SPTB: variants seen among roughly 807,000 people sequenced by gnomAD.
SPTB encodes the protein spectrin beta chain, erythrocytic.
SPTB carries 45 observed loss-of-function variants against 256.2 expected under a neutral mutation model. The ratio of observed to expected loss-of-function variants is 0.18; its 90% CI spans 0.14 to 0.23. The LOEUF is 0.23. Among genes scored for constraint, SPTB ranks in the 10% least tolerant of loss-of-function variants. The pLI is 1.00. For synonymous variants in SPTB, 1,231 were observed against 1,243.1 expected (o/e 0.99, Z 0.21); for missense variants, 2,715 against 3,040.4 (o/e 0.89, Z 2.52).
rs1008314479 is a variant in SPTB at position 64,795,075 on chromosome 14, T to C, written c.1644+262A>G. On this transcript the variant is annotated intron_variant, in intron 12 of 35. Transcript: ENST00000644917. This position sits in a 1 kb window ranked among gnomAD's most constrained non-coding sequence, Gnocchi z 6.5. ...GTCTGTCTCTTCAAGGCCCTGAAGG[T>C]TGGCACCGGTGCTGCCACAAACCCA... is the stretch of plus-strand genomic sequence containing the variant. Among the ~76,000 whole-genome samples the C allele has an allele frequency of 1.3e-5, 2 of 152,184 alleles. No homozygotes were observed. The highest frequency in any genetic ancestry group is 3.2e-3 in the Middle Eastern group (1 of 316).
In SPTB at chr14:64,802,381, G is replaced by T; in HGVS notation, c.475-64C>A. The T allele has an allele frequency of 6.7e-7, 1 of 1,484,366 alleles. No individual in the cohort carries two copies. The highest frequency in any genetic ancestry group is 1.2e-5 in the South Asian group (1 of 86,000). The allele number at this position is 1,484,366 out of a possible 1,614,324, so 91.9% of individuals were successfully genotyped here. A position where few individuals can be genotyped will look rare whatever the true frequency, so the allele number is the denominator to read the frequency against. ...GCATCTGGATCTGTGCTTTCCTGCC[G>T]TCCCTGGGAGGCTCCCTCCCTCATC... On this transcript the variant is annotated intron_variant, in intron 4 of 35. Transcript: ENST00000644917. The surrounding 1 kb of genome is among the most constrained non-coding windows in gnomAD (Gnocchi z 5.1).
Position 64,795,447 on chromosome 14 carries a change from A to C in SPTB, c.1534T>G (p.Tyr512Asp). Reference protein sequence around the residue: ...RKDNILRLWSYLQELLQSRRQ... With the variant: ...RKDNILRLWSDLQELLQSRRQ... ...CGGGACTGCAGCAGCTCCTGCAGGT[A>C]GCTCCATAGGCGCAGTATATTGTCC... is the stretch of plus-strand genomic sequence containing the variant. Residue 512 changes from tyrosine (Y) to aspartate (D), a missense_variant, in exon 12 of 36, where the codon TAC (tyrosine) becomes GAC (aspartate). Tyr to Asp is a radical substitution (Grantham distance 160). Around this residue, in one of 4 missense-constraint regions of SPTB, gnomAD observed 2,239 missense variants for 2,384.4 expected, o/e 0.94. Transcript: ENST00000644917. The surrounding 1 kb of genome is among the most constrained non-coding windows in gnomAD (Gnocchi z 6.5). 1.9e-6 allele frequency: 3 copies of C among 1,614,218 alleles called. No homozygotes were observed. The highest frequency in any genetic ancestry group is 2.5e-6 in the Non-Finnish European group (3 of 1,180,024).
rs540797185 is a variant in SPTB at position 64,758,731 on chromosome 14, A to T, written c.6346-4938T>A. ...TGCCCAGGGAAAGTGCACAAACAGC[A>T]GAGAGCAAGCTGGAGGGATGGCCAG... On this transcript the variant is annotated intron_variant, in intron 32 of 35. Transcript: ENST00000644917. This position sits in a 1 kb window ranked among gnomAD's most constrained non-coding sequence, Gnocchi z 4.6. 6.6e-6 allele frequency among the ~76,000 whole-genome samples: 1 copy of T among 152,370 alleles called. No individual in the cohort carries two copies. Among genetic ancestry groups the T allele is most frequent in the African/African-American group, 2.4e-5 (1 of 41,588 alleles).
intron 2 of SPTB, among the ~76,000 whole-genome samples, chr14:64,809,250 G>A (rs1244575581): frequency 8.1e-5 from 8 of 98,964 alleles, no homozygotes; most frequent in African/African-American, 2.0e-4. Context: ...CAACAACAGC[G>A]AAACTTTGTA....
chr14:64,787,288 G>GA (rs113859449), intron 15 of SPTB, 128 bp from the exon 16 acceptor site: 12,677 of 979,724 alleles, frequency 0.013, 1 homozygote, highest in East Asian at 0.017. Flanking sequence ...ATGATAAAAA[G>GA]AAAAAAAAAA....
intron 1 of SPTB, among the ~76,000 whole-genome samples, chr14:64,830,597 AAG>A: frequency 6.6e-6 from 1 of 152,116 alleles, no homozygotes; most frequent in African/African-American, 2.4e-5. Context: ...AAGCCTCTGA[AAG>A]GGTCTTTTGT....
chr14:64,766,511 G>C, intron 32 of SPTB: 1 of 1,470,042 alleles, frequency 6.8e-7, no homozygotes, highest in East Asian at 2.5e-5. Context: ...CCTCTGCGCT[G>C]TGGGGAGGAG....
At position 64,801,268 on chromosome 14, in the gene SPTB, G is replaced by T. The variant is rs1051822897; in HGVS notation, c.763+17C>A. On this transcript the variant is annotated intron_variant, in intron 7 of 35. Transcript: ENST00000644917. ...CCACTGCTGCAGCAAAGGCTGGCAG[G>T]GGTGGGTGTGGCTCACCTTCGGGGT... 76 of 1,599,022 alleles carry T rather than the reference G, an allele frequency of 4.8e-5. No homozygotes were observed. The highest frequency in any genetic ancestry group is 6.5e-5 in the Non-Finnish European group (76 of 1,166,978).
chr14:64,846,782 G>A (rs2083700505), intron 1 of SPTB, among the ~76,000 whole-genome samples: 2 of 152,136 alleles, frequency 1.3e-5, no homozygotes, highest in Non-Finnish European at 2.9e-5. Flanking sequence ...TGTCAGAAAG[G>A]GCCTTTGTCC....
intron 1 of SPTB, among the ~76,000 whole-genome samples, chr14:64,874,278 A>G (rs909177205): frequency 4.6e-5 from 7 of 152,126 alleles, no homozygotes; most frequent in African/African-American, 1.4e-4. Context: ...CTCATTCCCC[A>G]ACCTGAATGA....
chr14:64,754,923 G>A (rs1033185789), intron 32 of SPTB: 1 of 152,564 alleles, frequency 6.6e-6, no homozygotes, highest in Non-Finnish European at 1.5e-5. Flanking sequence ...TCCGTGCCAA[G>A]TGAGCACCAA....
In SPTB at chr14:64,785,681, C is replaced by G. The variant is rs757451936; in HGVS notation, c.3765-54G>C. ...AATAGTGCCGAGCTTGGGGTCCTCACCAAGCTTGGGGTCCTCACTACCCCC... is the reference window on the plus strand; with the variant it reads ...AATAGTGCCGAGCTTGGGGTCCTCAGCAAGCTTGGGGTCCTCACTACCCCC... On this transcript the variant is annotated intron_variant, in intron 17 of 35. Coordinates refer to ENST00000644917, the MANE Select transcript of SPTB (RefSeq NM_001355436.2). The surrounding 1 kb of genome is among the most constrained non-coding windows in gnomAD (Gnocchi z 4.4). 3 of 1,613,616 alleles carry G rather than the reference C, an allele frequency of 1.9e-6. No homozygotes were observed. The African/African-American group carries it at 4.0e-5, about 22-fold the overall frequency.
At position 64,772,679 on chromosome 14, in the gene SPTB, G is replaced by A. The variant is rs146154796; in HGVS notation, c.5454C>T (p.Arg1818=). The change falls in exon 26 of 36, where the codon CGC becomes CGT. Residue 1818 remains arginine (R), a synonymous_variant. Coordinates refer to ENST00000644917, the MANE Select transcript of SPTB (RefSeq NM_001355436.2). This position sits in a 1 kb window ranked among gnomAD's most constrained non-coding sequence, Gnocchi z 5.4. The stretch of plus-strand genomic sequence containing the variant: ...CCAGCCCCACGTCCTCGGGCAGCTC[G>A]CGGTGCTTCTCGTCGATGAGGCCCA... ...EILGLIDEKH[R]ELPEDVGLDA... The A allele has an allele frequency of 1.5e-5, 25 of 1,613,560 alleles. No homozygotes were observed. In the Middle Eastern group the frequency reaches 4.9e-4, roughly 32 times the overall value.
intron 1 of SPTB, among the ~76,000 whole-genome samples, chr14:64,865,473 C>G (rs1016233366): frequency 6.6e-6 from 1 of 152,112 alleles, no homozygotes. Context: ...ATCCCTCCCC[C>G]ACCTGGACTG....
intron 33 of SPTB, among the ~76,000 whole-genome samples, chr14:64,751,923 A>G (rs2081955369): frequency 7.0e-6 from 1 of 143,408 alleles, no homozygotes; most frequent in Non-Finnish European, 1.5e-5. Context: ...TTCTACTAAA[A>G]ATGCAAAAAA....
chr14:64,840,662 G>C (rs2083591467), intron 1 of SPTB, among the ~76,000 whole-genome samples: 1 of 152,172 alleles, frequency 6.6e-6, no homozygotes, highest in Non-Finnish European at 1.5e-5. Context: ...TCACCTGGCT[G>C]AGCTGTGACC....
In SPTB at chr14:64,796,570, C is replaced by T. The variant is rs752079707; in HGVS notation, c.1328G>A (p.Arg443His). ...MRETWLSENQRLVAQDNFGYD... is the reference protein window; with the variant it reads ...MRETWLSENQHLVAQDNFGYD... Reference sequence around the variant, plus strand: ...GTCCCTCATTACCTGGGCCACGAGGCGCTGGTTTTCACTGAGCCAGGTCTC... The same window carrying T: ...GTCCCTCATTACCTGGGCCACGAGGTGCTGGTTTTCACTGAGCCAGGTCTC... Residue 443 changes from arginine (R) to histidine (H), a missense_variant, in exon 11 of 36, where the codon CGC becomes CAC. Arg to His is a conservative substitution (Grantham distance 29, BLOSUM62 0). This residue lies in a region of SPTB where 416 missense variants were observed against 571.1 expected (regional missense o/e 0.73). Coordinates refer to ENST00000644917, the MANE Select transcript of SPTB (RefSeq NM_001355436.2). The surrounding 1 kb of genome is among the most constrained non-coding windows in gnomAD (Gnocchi z 4.1). The T allele has an allele frequency of 5.0e-5, 81 of 1,614,092 alleles. No individual in the cohort carries two copies. Among genetic ancestry groups the T allele is most frequent in the East Asian group, 6.7e-5 (3 of 44,890 alleles).
chr14:64,762,550 G>A (rs1463831081), intron 32 of SPTB, among the ~76,000 whole-genome samples: 3 of 152,204 alleles, frequency 2.0e-5, no homozygotes, highest in Admixed American at 1.3e-4. Flanking sequence ...GTAAGTGCTG[G>A]TTACTTCCCT....
At chr14:64,800,184 C>T (rs892248939) in intron 8 of SPTB, among the ~76,000 whole-genome samples, 12 of 152,228 alleles carry the variant, frequency 7.9e-5, no homozygotes, top group African/African-American at 2.7e-4. Flanking sequence ...TGCAGTTCCC[C>T]TCCCCAGTGC....
Sources: gnomAD v4.1 joint callset for allele counts (sites outside exome capture counted in the v4.1 genomes callset) on GRCh38, gnomAD v4.1.1 for gene constraint, gnomAD v4.1.1 regional missense constraint, Gnocchi (gnomAD v3.1) non-coding constraint, MANE v1.5 for transcripts, NCBI Gene and HGNC (gene_info 2026-07-23, HGNC 2026-07-21) for gene names.